The following CNKSR2 variants were observed in gnomAD, a reference collection of about 807,000 sequenced individuals.
CNKSR2 encodes the protein connector enhancer of kinase suppressor of Ras 2.
In CNKSR2, 14 loss-of-function variants were observed where a neutral mutation model predicts 84.4. That is an observed-to-expected ratio of 0.17 (90% CI 0.11 to 0.26). CNKSR2 has a LOEUF of 0.26. Ranked by LOEUF, CNKSR2 falls within the 10% of genes least tolerant of loss-of-function variation. The probability of loss-of-function intolerance (pLI) is 1.00; values close to 1 mark genes in which losing one functional copy is unlikely to be tolerated. For synonymous variants in CNKSR2, 275 were observed against 277.9 expected (o/e 0.99, Z 0.10); for missense variants, 485 against 771.2 (o/e 0.63, Z 4.40).
chrX:21,384,041 A>C (rs772114692), intron 1 of CNKSR2, among the ~76,000 whole-genome samples: 9 of 111,885 alleles, frequency 8.0e-5, no homozygotes, highest in Admixed American at 1.9e-4. Context: ...GAAAATTGAT[A>C]TTTTAATTTT....
chrX:21,611,405 C>T (rs1468226867), intron 20 of CNKSR2, among the ~76,000 whole-genome samples: 1 of 112,080 alleles, frequency 8.9e-6, no homozygotes, highest in Admixed American at 9.5e-5. Context: ...ATCATTCCTA[C>T]AGGTTAAGTC....
At chrX:21,473,293 G>A (rs2091220238) in intron 5 of CNKSR2, among the ~76,000 whole-genome samples, 2 of 111,641 alleles carry the variant, frequency 1.8e-5, no homozygotes, top group Non-Finnish European at 3.8e-5. Flanking sequence ...CCATCCTGAC[G>A]TTTTTATACA....
intron 3 of CNKSR2, among the ~76,000 whole-genome samples, chrX:21,440,493 A>G (rs2090769326): frequency 8.9e-6 from 1 of 111,931 alleles, no homozygotes; most frequent in Non-Finnish European, 1.9e-5. Context: ...TAGAAAGCAA[A>G]CATTATATTT....
chrX:21,592,249 G>A (rs1200298313), intron 15 of CNKSR2: 1 of 111,501 alleles, frequency 9.0e-6, no homozygotes, highest in African/African-American at 3.3e-5. Flanking sequence ...TCATATGGAT[G>A]AAATGAATCA....
At chrX:21,378,870 A>G (rs770787366) in intron 1 of CNKSR2, among the ~76,000 whole-genome samples, 2 of 111,350 alleles carry the variant, frequency 1.8e-5, no homozygotes, top group African/African-American at 6.5e-5. Context: ...CCACTTTTGT[A>G]TTATTATGAT....
intron 5 of CNKSR2, among the ~76,000 whole-genome samples, chrX:21,486,222 G>A (rs2091383779): frequency 8.9e-6 from 1 of 112,243 alleles, no homozygotes; most frequent in South Asian, 3.7e-4. Context: ...CTAGTATAGA[G>A]TTGTCCTTTT....
intron 20 of CNKSR2, among the ~76,000 whole-genome samples, chrX:21,633,693 G>T (rs1435614486): frequency 8.9e-6 from 1 of 112,091 alleles, no homozygotes; most frequent in Non-Finnish European, 1.9e-5. Context: ...GGAACCTTTT[G>T]CAATGGCTAT....
At chrX:21,473,247 G>A (rs1054995207) in intron 5 of CNKSR2, among the ~76,000 whole-genome samples, 2 of 111,861 alleles carry the variant, frequency 1.8e-5, no homozygotes, top group South Asian at 7.4e-4. Context: ...GTTCATCTCA[G>A]AAAGCACTTG....
At chrX:21,504,661 A>G (rs1270088710) in intron 8 of CNKSR2, 4 of 284,412 alleles carry the variant, frequency 1.4e-5, no homozygotes, top group Non-Finnish European at 2.5e-5. Context: ...CTAGTATGGT[A>G]TATCTTCAAG....
At chrX:21,503,999 T>C (rs906303231) in intron 8 of CNKSR2, 19 of 111,252 alleles carry the variant, frequency 1.7e-4, no homozygotes, top group Non-Finnish European at 2.5e-4. Flanking sequence ...AGAGACAAGA[T>C]AGTATGTTGA....
chrX:21,463,001 C>T (rs188464047), intron 4 of CNKSR2, among the ~76,000 whole-genome samples: 2 of 110,648 alleles, frequency 1.8e-5, no homozygotes, highest in African/African-American at 3.3e-5. Context: ...CCACCGAGTC[C>T]GGCTCTATAC....
chrX:21,561,616 A>G, intron 12 of CNKSR2, 56 bp downstream of exon 12: 1 of 859,584 alleles, frequency 1.2e-6, no homozygotes, highest in Non-Finnish European at 1.7e-6. Context: ...AAGCAAATTT[A>G]AATGTTCTGT....
intron 2 of CNKSR2, chrX:21,428,232 CTCTG>C (rs1189337611): frequency 1.3e-4 from 15 of 112,060 alleles, no homozygotes; most frequent in Non-Finnish European, 1.7e-4. Flanking sequence ...GAATTAAACT[CTCTG>C]TCTTTCTTCA....
At chrX:21,483,351 A>G (rs973370905) in intron 5 of CNKSR2, among the ~76,000 whole-genome samples, 1 of 110,098 alleles carries the variant, frequency 9.1e-6, no homozygotes. Context: ...TCACTCATAG[A>G]TGGGAATTGA....
intron 20 of CNKSR2, among the ~76,000 whole-genome samples, chrX:21,613,695 C>A (rs2092561923): frequency 8.9e-6 from 1 of 112,356 alleles, no homozygotes; most frequent in African/African-American, 3.2e-5. Context: ...AATCCCAGCA[C>A]TTTGGGAGGC....
At chrX:21,435,598 G>T (rs1356516773) in intron 3 of CNKSR2, among the ~76,000 whole-genome samples, 1 of 111,467 alleles carries the variant, frequency 9.0e-6, no homozygotes, top group Non-Finnish European at 1.9e-5. Context: ...ATCACAGTTG[G>T]TAGCTTTACT....
chrX:21,476,181 T>A (rs1171343150), intron 5 of CNKSR2, among the ~76,000 whole-genome samples: 2 of 111,167 alleles, frequency 1.8e-5, no homozygotes, highest in East Asian at 5.7e-4. Context: ...TTATGAACAC[T>A]TGTTTAATGT....
At chrX:21,422,064 A>T (rs987156223) in intron 1 of CNKSR2, 1 of 111,721 alleles carries the variant, frequency 9.0e-6, no homozygotes, top group African/African-American at 3.3e-5. Flanking sequence ...TTCTTCTTGC[A>T]GAAATTTATA....
At chrX:21,580,911 GA>G (rs2092349146) in intron 13 of CNKSR2, among the ~76,000 whole-genome samples, 1 of 111,592 alleles carries the variant, frequency 9.0e-6, no homozygotes, top group Non-Finnish European at 1.9e-5. Context: ...CTGTCAAACA[GA>G]AGTGTCAGGA....
Sources: gnomAD v4.1 joint callset for allele counts (sites outside exome capture counted in the v4.1 genomes callset) on GRCh38, gnomAD v4.1.1 for gene constraint, MANE v1.5 for transcripts, NCBI Gene and HGNC (gene_info 2026-07-23, HGNC 2026-07-21) for gene names.